Variants in WDFY3 observed in about 807,000 individuals in gnomAD.
WDFY3 encodes WD repeat and FYVE domain containing 3, also known as WD repeat and FYVE domain-containing protein 3.
In WDFY3, 66 loss-of-function variants were observed where a neutral mutation model predicts 409.6. The ratio of observed to expected loss-of-function variants is 0.16; its 90% CI spans 0.13 to 0.20. WDFY3 has a LOEUF of 0.20. Ranked by LOEUF, WDFY3 falls within the 10% of genes least tolerant of loss-of-function variation. The probability of loss-of-function intolerance (pLI) is 1.00; values close to 1 mark genes in which losing one functional copy is unlikely to be tolerated. For missense variants in WDFY3, 3,031 were observed against 4,298.1 expected (o/e 0.71, Z 8.24); for synonymous variants, 1,521 against 1,537.1 (o/e 0.99, Z 0.25).
intron 5 of WDFY3, 124 bp from the exon 6 acceptor site, chr4:84,841,387 T>G (rs1010942683): frequency 2.7e-6 from 2 of 738,278 alleles, no homozygotes; most frequent in Non-Finnish European, 2.2e-6. Flanking sequence ...CTATTACATA[T>G]AGAAAAACTT....
intron 30 of WDFY3, among the ~76,000 whole-genome samples, chr4:84,772,503 AAG>A (rs1744840855): frequency 2.0e-5 from 3 of 152,178 alleles, no homozygotes; most frequent in African/African-American, 7.2e-5. Context: ...CATGTTTCTG[AAG>A]AGATATACAT....
intron 2 of WDFY3, among the ~76,000 whole-genome samples, chr4:84,926,877 T>C (rs928459385): frequency 2.0e-5 from 3 of 152,162 alleles, no homozygotes; most frequent in Admixed American, 2.0e-4. Flanking sequence ...TTATCAATTG[T>C]TCAAAGATAA....
chr4:84,794,717 G>C lies in WDFY3; in HGVS notation c.3289C>G (p.Pro1097Ala). 1.9e-6 allele frequency: 3 copies of C among 1,613,134 alleles called. No homozygotes were observed. Among genetic ancestry groups the C allele is most frequent in the Non-Finnish European group, 2.5e-6 (3 of 1,179,612 alleles). Residue 1097 changes from proline (P) to alanine (A), a missense_variant, in exon 21 of 68, where the codon CCC (proline) becomes GCC (alanine). By Grantham distance (27) the Pro-to-Ala change is conservative. Coordinates refer to ENST00000295888, the MANE Select transcript of WDFY3 (RefSeq NM_014991.6). ...IGSGERFFPP[P>A]SGLSYSSWFC... Reference sequence around the variant, plus strand: ...CAGCTAGAGTAACTTAAGCCGGAGGGAGGAGGGAAGAATCTTTCACCTACA... The same window carrying C: ...CAGCTAGAGTAACTTAAGCCGGAGGCAGGAGGGAAGAATCTTTCACCTACA...
rs776901894 is a variant in WDFY3 at position 84,802,255 on chromosome 4, C to CT, written c.2608-392dup. Among the ~76,000 whole-genome samples the CT allele has an allele frequency of 6.2e-3, 856 of 137,722 alleles. 2 individuals carry two copies. The highest frequency in any genetic ancestry group is 9.9e-3 in the African/African-American group (373 of 37,662). 90.4% of individuals were successfully genotyped at this position (137,722 alleles called of 152,430 possible). ...AGCCACCGCACCCGGCAGAAGCATA[C>CT]TTTTTTTTTTTTTTTGAGACAGAGT... On this transcript the variant is annotated intron_variant, in intron 16 of 67. Transcript: ENST00000295888.
rs1750611195 is a variant in WDFY3, at chr4:84,801,772, A to G, written c.2700T>C (p.Leu900=). 1 of 1,614,136 alleles carries G rather than the reference A, an allele frequency of 6.2e-7. No homozygotes were observed. The highest frequency in any genetic ancestry group is 8.5e-7 in the Non-Finnish European group (1 of 1,180,032). ...TGCACCTCTGCAGCAGTCGTGCATG[A>G]AGACCAGCTTCACACATGACTTGCT... ...RNQQVMCEAG[L]HARLLQRCSA... Residue 900 remains leucine (L), a synonymous_variant, in exon 17 of 68, where the codon CTT becomes CTC. Coordinates refer to ENST00000295888, the MANE Select transcript of WDFY3 (RefSeq NM_014991.6).
At position 84,801,813 on chromosome 4, in the gene WDFY3, G is replaced by A. The variant is rs1560796346; in HGVS notation, c.2659C>T (p.His887Tyr). 1.9e-6 allele frequency: 3 copies of A among 1,614,054 alleles called. No individual in the cohort carries two copies. The highest frequency in any genetic ancestry group is 2.5e-6 in the Non-Finnish European group (3 of 1,180,034). The change falls in exon 17 of 68, where the codon CAC becomes TAC. Residue 887 changes from histidine to tyrosine, a missense_variant. Coordinates refer to ENST00000295888, the MANE Select transcript of WDFY3 (RefSeq NM_014991.6). ...ATGACTTGCTGGTTCCTTTCTGTGTGCACCAGGGATTGTAAAATATTTGCC... is the reference window on the plus strand; with the variant it reads ...ATGACTTGCTGGTTCCTTTCTGTGTACACCAGGGATTGTAAAATATTTGCC... The part of the protein sequence containing the change: ...AVANILQSLV[H>Y]TERNQQVMCE...
intron 63 of WDFY3, 163 bp from the exon 64 acceptor site, chr4:84,682,633 C>T (rs1259005183): frequency 6.4e-6 from 4 of 627,380 alleles, no homozygotes; most frequent in South Asian, 2.0e-5. Context: ...CAGCGGGCTG[C>T]CTGCACACAA....
rs187776767 is a variant in WDFY3 at position 84,882,507 on chromosome 4, A to T, written c.-32+14404T>A. On this transcript the variant is annotated intron_variant, in intron 3 of 67. Coordinates refer to ENST00000295888, the MANE Select transcript of WDFY3 (RefSeq NM_014991.6). ...CTTTTCCACAAATTCCTCTATTCAA[A>T]TTATTTTAAATTATATGTATATTAT... Among the ~76,000 whole-genome samples, 74 of 152,256 alleles carry T rather than the reference A, an allele frequency of 4.9e-4. 1 individual carries two copies. In the East Asian group the frequency reaches 0.013, roughly 26 times the overall value.
At position 84,845,970 on chromosome 4, in the gene WDFY3, C is replaced by T. The variant is rs187742107; in HGVS notation, c.304+3932G>A. ...TAAAAATTTAGGTGCTATTAATACA[C>T]GGGTGAACACAACAGACAATAAAAT... is the stretch of plus-strand genomic sequence containing the variant. On this transcript the variant is annotated intron_variant, in intron 5 of 67. Transcript: ENST00000295888. Among the ~76,000 whole-genome samples the T allele has an allele frequency of 4.0e-3, 605 of 150,214 alleles. 4 individuals carry two copies. Among genetic ancestry groups the T allele is most frequent in the Middle Eastern group, 0.01 (3 of 288 alleles).
At chr4:84,860,829 T>C (rs932111071) in intron 3 of WDFY3, among the ~76,000 whole-genome samples, 7 of 152,240 alleles carry the variant, frequency 4.6e-5, no homozygotes, top group African/African-American at 7.2e-5. Context: ...TTGGAAGTTC[T>C]TACTCACTTT....
At chr4:84,853,425 C>T (rs1264699641) in intron 4 of WDFY3, among the ~76,000 whole-genome samples, 6 of 151,656 alleles carry the variant, frequency 4.0e-5, no homozygotes, top group Non-Finnish European at 8.8e-5. Flanking sequence ...CTGCTCATCT[C>T]GGCCTCCCAA....
intron 2 of WDFY3, among the ~76,000 whole-genome samples, chr4:84,919,621 G>C (rs1044303672): frequency 2.0e-5 from 3 of 152,114 alleles, no homozygotes; most frequent in Non-Finnish European, 4.4e-5. Flanking sequence ...TCTCATGATA[G>C]TGAGTGAGTT....
At chr4:84,818,311 G>C (rs1753601362) in intron 12 of WDFY3, among the ~76,000 whole-genome samples, 1 of 151,978 alleles carries the variant, frequency 6.6e-6, no homozygotes, top group Non-Finnish European at 1.5e-5. Flanking sequence ...TTAAAAAAAT[G>C]GGCCCAGTGA....
intron 61 of WDFY3, among the ~76,000 whole-genome samples, chr4:84,689,247 A>G (rs1388358331): frequency 6.6e-6 from 1 of 152,220 alleles, no homozygotes; most frequent in African/African-American, 2.4e-5. Flanking sequence ...ATCTGTGTAT[A>G]CACATGAAGT....
intron 17 of WDFY3, among the ~76,000 whole-genome samples, chr4:84,798,617 T>A (rs1749929271): frequency 6.6e-6 from 1 of 152,218 alleles, no homozygotes; most frequent in Non-Finnish European, 1.5e-5. Flanking sequence ...CACTGAAATG[T>A]GTTTTTGTTC....
intron 32 of WDFY3, among the ~76,000 whole-genome samples, chr4:84,758,630 G>GA (rs1395566828): frequency 1.3e-5 from 2 of 152,040 alleles, no homozygotes; most frequent in African/African-American, 2.4e-5. Context: ...TATAATAAAG[G>GA]AAAAATTTAT....
In WDFY3 at chr4:84,778,402, T is replaced by C. The variant is rs1745919449; in HGVS notation, c.4518+101A>G. On this transcript the variant is annotated intron_variant, in intron 27 of 67. Transcript: ENST00000295888. ...TATTAACATGAACATCATAAAATTA[T>C]AGGGCTTTAAACACATTTTAGAGAT... 4.6e-6 allele frequency: 5 copies of C among 1,084,388 alleles called. No homozygotes were observed. The East Asian group carries it at 8.5e-5, about 19-fold the overall frequency. The allele number at this position is 1,084,388 out of a possible 1,614,324, so 67.2% of individuals were successfully genotyped here.
chr4:84,746,028 T>C (rs1739375352), intron 36 of WDFY3, among the ~76,000 whole-genome samples: 1 of 151,620 alleles, frequency 6.6e-6, no homozygotes, highest in Non-Finnish European at 1.5e-5. Flanking sequence ...GTACTCCTGG[T>C]TGGGCACGGT....
At chr4:84,836,350 T>A (rs973267958) in intron 7 of WDFY3, among the ~76,000 whole-genome samples, 2 of 152,176 alleles carry the variant, frequency 1.3e-5, no homozygotes, top group Non-Finnish European at 1.5e-5. Context: ...TTTTGACAAT[T>A]TTCTGCCAAG....
Sources: allele counts gnomAD v4.1 joint callset (sites outside exome capture counted in the v4.1 genomes callset), GRCh38; gene constraint gnomAD v4.1.1; transcripts MANE v1.5; gene names NCBI Gene and HGNC (gene_info 2026-07-23, HGNC 2026-07-21).